Variants in MCUB observed in about 807,000 individuals in gnomAD.
MCUB encodes the protein calcium uniporter regulatory subunit MCUb, mitochondrial.
In MCUB, 46 loss-of-function variants were observed where a neutral mutation model predicts 41.4. The ratio of observed to expected loss-of-function variants is 1.11; its 90% CI spans 0.88 to 1.42. The LOEUF is 1.42. MCUB is among the 40% of genes most tolerant of loss of function. MCUB has a pLI of 0.00. For missense variants in MCUB, 403 were observed against 404.9 expected (o/e 1.00, Z 0.04); for synonymous variants, 148 against 148.2 (o/e 1.00, Z 0.01).
chr4:109,626,821 CAAAAAAA>C (rs58560479), intron 1 of MCUB, among the ~76,000 whole-genome samples: 6 of 81,558 alleles, frequency 7.4e-5, no homozygotes, highest in East Asian at 3.6e-4. Flanking sequence ...GAGTCCGACT[CAAAAAAA>C]AAAAAAAAAA....
At chr4:109,566,483 T>A (rs571326968) in intron 1 of MCUB, among the ~76,000 whole-genome samples, 3,026 of 146,164 alleles carry the variant, frequency 0.021, 49 homozygotes, top group Admixed American at 0.028. Flanking sequence ...AAAAAAAAAA[T>A]AAATAAATAA....
chr4:109,681,517 TCTGAC>T, intron 4 of MCUB: 1 of 446,096 alleles, frequency 2.2e-6, no homozygotes, highest in Non-Finnish European at 4.5e-6. Context: ...CCTCGTGTTC[TCTGAC>T]CTGGGGTTCT....
intron 1 of MCUB, among the ~76,000 whole-genome samples, chr4:109,650,332 A>C (rs1728933971): frequency 6.6e-6 from 1 of 152,182 alleles, no homozygotes; most frequent in African/African-American, 2.4e-5. Context: ...TTTGCTTTAA[A>C]AAATTTTTTA....
chr4:109,583,121 G>T (rs2126127073), intron 1 of MCUB, among the ~76,000 whole-genome samples: 1 of 152,254 alleles, frequency 6.6e-6, no homozygotes, highest in Non-Finnish European at 1.5e-5. Context: ...TAGCTTGATG[G>T]GTATGGCATT....
intron 1 of MCUB, among the ~76,000 whole-genome samples, chr4:109,618,713 T>A (rs1728180998): frequency 6.6e-6 from 1 of 152,216 alleles, no homozygotes; most frequent in African/African-American, 2.4e-5. Flanking sequence ...TAAAATATCA[T>A]ATGACCTAAC....
rs752851425 is a variant in MCUB at position 109,656,354 on chromosome 4, CTTTTTTTTTTTTTTTTTTTTTTT to C, written c.100-2641_100-2619del. Among the ~76,000 whole-genome samples, 60 of 62,116 alleles carry C rather than the reference CTTTTTTTTTTTTTTTTTTTTTTT, an allele frequency of 9.7e-4. 1 individual carries two copies. Among genetic ancestry groups the C allele is most frequent in the African/African-American group, 6.0e-4 (11 of 18,440 alleles). 40.8% of individuals were successfully genotyped at this position (62,116 alleles called of 152,430 possible). A position where few individuals can be genotyped will look rare whatever the true frequency, so the allele number is the denominator to read the frequency against. On this transcript the variant is annotated intron_variant, in intron 1 of 7. Coordinates refer to ENST00000394650, the MANE Select transcript of MCUB (RefSeq NM_017918.5). ...GAGGGGCTCTAACTTTTACTCTCTA[CTTTTTTTTTTTTTTTTTTTTTTT>C]TTTTTTTTTTTTTTTGGAGACAGGG...
intron 1 of MCUB, among the ~76,000 whole-genome samples, chr4:109,636,718 C>T (rs1728603459): frequency 6.6e-6 from 1 of 152,132 alleles, no homozygotes; most frequent in Admixed American, 6.5e-5. Context: ...ACCTGTAATC[C>T]CAGCTACTTG....
intron 1 of MCUB, among the ~76,000 whole-genome samples, chr4:109,650,471 T>C (rs957618695): frequency 1.3e-5 from 2 of 152,224 alleles, no homozygotes; most frequent in African/African-American, 4.8e-5. Flanking sequence ...TGTTTTTGAA[T>C]TATTAATTTT....
chr4:109,658,337 A>G (rs12511995), intron 1 of MCUB, among the ~76,000 whole-genome samples: 42,299 of 151,220 alleles, frequency 0.28, 6,471 homozygotes, highest in East Asian at 0.47. Context: ...TGCTCTTGTT[A>G]CCCAGGCTGG....
intron 1 of MCUB, among the ~76,000 whole-genome samples, chr4:109,566,673 G>C (rs144866653): frequency 6.6e-6 from 1 of 152,174 alleles, no homozygotes; most frequent in East Asian, 1.9e-4. Context: ...GGATGAAAAG[G>C]ACTTTTAAGA....
chr4:109,644,368 T>A (rs1354543267), intron 1 of MCUB, among the ~76,000 whole-genome samples: 1 of 152,202 alleles, frequency 6.6e-6, no homozygotes, highest in East Asian at 1.9e-4. Flanking sequence ...TTTATGCCAA[T>A]CTGTCTATAG....
intron 1 of MCUB, among the ~76,000 whole-genome samples, chr4:109,616,912 T>C (rs147466007): frequency 6.6e-6 from 1 of 152,324 alleles, no homozygotes; most frequent in Non-Finnish European, 1.5e-5. Context: ...TTTCTGGTAT[T>C]TGAACATGGG....
Position 109,570,502 on chromosome 4 carries a change from T to C in MCUB, c.99+10066T>C, listed in dbSNP as rs931969033. Among the ~76,000 whole-genome samples, 30 of 152,250 alleles carry C rather than the reference T, an allele frequency of 2.0e-4. 1 individual carries two copies. The highest frequency in any genetic ancestry group is 3.8e-4 in the Non-Finnish European group (26 of 68,042). Reference sequence around the variant, plus strand: ...TTCACTGTTGGTGGCCTTTGGCCTCTGTCCAAACTACTCAACTTTGCCATT... The same window carrying C: ...TTCACTGTTGGTGGCCTTTGGCCTCCGTCCAAACTACTCAACTTTGCCATT... On this transcript the variant is annotated intron_variant, in intron 1 of 7. Coordinates refer to ENST00000394650, the MANE Select transcript of MCUB (RefSeq NM_017918.5).
At chr4:109,560,590 T>C (rs1289999532) in intron 1 of MCUB, among the ~76,000 whole-genome samples, 154 bp downstream of exon 1, 1 of 152,096 alleles carries the variant, frequency 6.6e-6, no homozygotes, top group Non-Finnish European at 1.5e-5. Flanking sequence ...CGACAGGTGG[T>C]GGCCGGGCGG....
At chr4:109,654,478 G>A (rs1277541367) in intron 1 of MCUB, among the ~76,000 whole-genome samples, 1 of 152,036 alleles carries the variant, frequency 6.6e-6, no homozygotes, top group Non-Finnish European at 1.5e-5. Flanking sequence ...GGGTGTCGTG[G>A]TGGGCGCCTG....
intron 4 of MCUB, among the ~76,000 whole-genome samples, chr4:109,664,828 TTCAGGATTTTACTTTAGGA>T (rs1729309128): frequency 6.6e-6 from 1 of 152,162 alleles, no homozygotes; most frequent in South Asian, 2.1e-4. Flanking sequence ...TTTTTAGACT[TTCAGGATTTTACTTTAGGA>T]TCTTGAATGC....
intron 1 of MCUB, among the ~76,000 whole-genome samples, chr4:109,604,384 T>TA (rs1360379070): frequency 6.6e-6 from 1 of 151,720 alleles, no homozygotes; most frequent in Admixed American, 6.6e-5. Context: ...CAATAAATAC[T>TA]AAAAAAATTT....
At chr4:109,606,809 C>T (rs907653470) in intron 1 of MCUB, among the ~76,000 whole-genome samples, 5 of 152,140 alleles carry the variant, frequency 3.3e-5, no homozygotes, top group East Asian at 1.9e-4. Context: ...TGCGATGGCG[C>T]GATCTCGGCT....
intron 1 of MCUB, among the ~76,000 whole-genome samples, chr4:109,580,893 T>C (rs1472080681): frequency 6.6e-6 from 1 of 152,232 alleles, no homozygotes; most frequent in African/African-American, 2.4e-5. Context: ...AGATCCCATT[T>C]GTCCGAACAT....
Sources: allele counts gnomAD v4.1 joint callset (sites outside exome capture counted in the v4.1 genomes callset), GRCh38; gene constraint gnomAD v4.1.1; transcripts MANE v1.5; gene names NCBI Gene and HGNC (gene_info 2026-07-23, HGNC 2026-07-21).